Variants in PTPRM observed in about 807,000 individuals in gnomAD.
PTPRM encodes the protein protein tyrosine phosphatase receptor type M, also known as receptor-type tyrosine-protein phosphatase mu.
Under a neutral mutation model 186.7 loss-of-function variants are expected in PTPRM, and 47 were observed. The ratio of observed to expected loss-of-function variants is 0.25; its 90% CI spans 0.20 to 0.32. The LOEUF (loss-of-function observed/expected upper bound fraction) is 0.32, where lower values mean the gene tolerates loss of function less well. Among genes scored for constraint, PTPRM ranks in the 10% least tolerant of loss-of-function variants. PTPRM has a pLI of 1.00. For missense variants in PTPRM, 1,494 were observed against 1,865.0 expected (o/e 0.80, Z 3.66); for synonymous variants, 668 against 674.9 (o/e 0.99, Z 0.16).
intron 1 of PTPRM, among the ~76,000 whole-genome samples, chr18:7,726,805 T>G (rs1279567337): frequency 6.6e-6 from 1 of 152,220 alleles, no homozygotes; most frequent in Non-Finnish European, 1.5e-5. Flanking sequence ...TTCTATTTAT[T>G]CAACTTAAGA....
chr18:8,044,474 T>C, intron 7 of PTPRM, among the ~76,000 whole-genome samples: 1 of 151,986 alleles, frequency 6.6e-6, no homozygotes, highest in East Asian at 1.9e-4. Context: ...AATCAAGACA[T>C]GCGGGCACAA....
At chr18:7,618,450 A>G (rs2037859167) in intron 1 of PTPRM, among the ~76,000 whole-genome samples, 1 of 152,208 alleles carries the variant, frequency 6.6e-6, no homozygotes. Context: ...TCTATTTAGT[A>G]TAGTAATAAA....
At chr18:8,212,351 T>C (rs1244407377) in intron 14 of PTPRM, among the ~76,000 whole-genome samples, 1 of 152,188 alleles carries the variant, frequency 6.6e-6, no homozygotes, top group Non-Finnish European at 1.5e-5. Flanking sequence ...CCAACAGGCC[T>C]AGAAACTGCC....
chr18:7,717,886 C>T (rs1419772512), intron 1 of PTPRM, among the ~76,000 whole-genome samples: 2 of 152,144 alleles, frequency 1.3e-5, no homozygotes, highest in Non-Finnish European at 2.9e-5. Context: ...AGTGGCTAGC[C>T]CTTTCCAGTG....
intron 7 of PTPRM, among the ~76,000 whole-genome samples, chr18:8,011,410 C>T (rs1026258995): frequency 6.6e-6 from 1 of 152,158 alleles, no homozygotes; most frequent in African/African-American, 2.4e-5. Flanking sequence ...CCATCAATCT[C>T]TAGCCCTCTG....
At chr18:8,265,400 T>C (rs977626439) in intron 19 of PTPRM, among the ~76,000 whole-genome samples, 4 of 152,216 alleles carry the variant, frequency 2.6e-5, no homozygotes, top group Admixed American at 2.6e-4. Context: ...GTAGATTCCA[T>C]GTGCTGCTCT....
intron 1 of PTPRM, among the ~76,000 whole-genome samples, chr18:7,643,843 A>T (rs1342461461): frequency 2.0e-5 from 3 of 152,182 alleles, no homozygotes; most frequent in African/African-American, 7.2e-5. Flanking sequence ...TTGTGCTTTT[A>T]CATATGAGCA....
Position 7,974,349 on chromosome 18 carries a change from C to A in PTPRM, c.1132+18935C>A, listed in dbSNP as rs553410404. Among the ~76,000 whole-genome samples the A allele has an allele frequency of 7.9e-5, 12 of 152,328 alleles. No individual in the cohort carries two copies. The South Asian group carries it at 2.5e-3, about 32-fold the overall frequency. ...ACAGCTTTCTAGTTTCTAAAGTTCT[C>A]CATTGGTGTGCAGTGTGTGCACACA... On this transcript the variant is annotated intron_variant, in intron 7 of 32. Transcript: ENST00000580170.
intron 19 of PTPRM, among the ~76,000 whole-genome samples, chr18:8,295,188 G>C (rs1198633121): frequency 3.3e-5 from 5 of 152,190 alleles, no homozygotes; most frequent in African/African-American, 1.2e-4. Context: ...GTGGGGCACA[G>C]ACATCTCGTG....
intron 7 of PTPRM, among the ~76,000 whole-genome samples, chr18:7,968,361 T>G (rs2054293461): frequency 6.8e-6 from 1 of 147,666 alleles, no homozygotes; most frequent in African/African-American, 2.6e-5. Context: ...CATGCCAAAA[T>G]GTAAAGACCA....
chr18:7,661,543 A>G (rs1403039936), intron 1 of PTPRM, among the ~76,000 whole-genome samples: 1 of 152,260 alleles, frequency 6.6e-6, no homozygotes, highest in East Asian at 1.9e-4. Flanking sequence ...AGGCTAGTAA[A>G]TGGAAATGTA....
At chr18:8,215,551 T>C (rs1003422) in intron 14 of PTPRM, among the ~76,000 whole-genome samples, 29,622 of 137,480 alleles carry the variant, frequency 0.22, 2,441 homozygotes, top group Middle Eastern at 0.35. Context: ...TTTTCTTTTT[T>C]TTTTTTTTTT....
intron 1 of PTPRM, among the ~76,000 whole-genome samples, chr18:7,705,334 T>G (rs199790301): frequency 6.8e-4 from 103 of 151,346 alleles, no homozygotes; most frequent in Admixed American, 1.9e-3. Flanking sequence ...TATCTGTCTA[T>G]CTAGCTAGCT....
intron 14 of PTPRM, among the ~76,000 whole-genome samples, chr18:8,182,951 G>A (rs982104743): frequency 5.9e-5 from 9 of 152,198 alleles, no homozygotes; most frequent in South Asian, 4.2e-4. Context: ...CTCTATGTGC[G>A]TTTCATAGCC....
intron 2 of PTPRM, among the ~76,000 whole-genome samples, chr18:7,801,010 G>T (rs2043935524): frequency 6.6e-6 from 1 of 152,074 alleles, no homozygotes; most frequent in Non-Finnish European, 1.5e-5. Flanking sequence ...GCTCTGGATG[G>T]GTCAGTGAGT....
chr18:8,314,921 T>C, intron 21 of PTPRM, 64 bp downstream of exon 21: 1 of 1,068,758 alleles, frequency 9.4e-7, no homozygotes. Flanking sequence ...CTATGTATGA[T>C]ATTTTGATAC....
chr18:8,126,025 A>ATT (rs1215694977), intron 13 of PTPRM, among the ~76,000 whole-genome samples: 3 of 57,250 alleles, frequency 5.2e-5, no homozygotes, highest in East Asian at 6.6e-4. Flanking sequence ...ATATATATAT[A>ATT]TATTTTAAAT....
intron 1 of PTPRM, among the ~76,000 whole-genome samples, chr18:7,665,931 T>C (rs2039085613): frequency 6.6e-6 from 1 of 151,438 alleles, no homozygotes; most frequent in African/African-American, 2.4e-5. Context: ...AAAAAAAAAA[T>C]AGAATATATT....
rs10630450 is a variant in PTPRM at position 8,387,735 on chromosome 18, A to AGAGTGTGT, written c.4208+501_4208+502insAGTGTGTG. Among the ~76,000 whole-genome samples the AGAGTGTGT allele has an allele frequency of 1.2e-4, 18 of 151,382 alleles. No homozygotes were observed. In the East Asian group the frequency reaches 2.3e-3, roughly 20 times the overall value. ...TCATGTCAGGTCTCAAAGGACCTGGAGTGTGTGTGTGTGCGTGTGTGCGTG... is the reference window on the plus strand; with the variant it reads ...TCATGTCAGGTCTCAAAGGACCTGGAGAGTGTGTGTGTGTGTGTGTGCGTGTGTGCGTG... On this transcript the variant is annotated intron_variant, in intron 31 of 32. Coordinates refer to ENST00000580170, the MANE Select transcript of PTPRM (RefSeq NM_001105244.2).
Sources: gnomAD v4.1 joint callset for allele counts (sites outside exome capture counted in the v4.1 genomes callset) on GRCh38, gnomAD v4.1.1 for gene constraint, MANE v1.5 for transcripts, NCBI Gene and HGNC (gene_info 2026-07-23, HGNC 2026-07-21) for gene names.